Variants in SERPINE3 observed in about 807,000 individuals in gnomAD.
The protein encoded by SERPINE3 is serpin family E member 3, also known as serpin E3.
A neutral mutation model predicts 41.7 loss-of-function variants in SERPINE3; 43 were observed. The ratio of observed to expected loss-of-function variants is 1.03; its 90% CI spans 0.81 to 1.33. The LOEUF (loss-of-function observed/expected upper bound fraction) is 1.33. Ranked by LOEUF, SERPINE3 falls within the 40% of genes most tolerant of loss-of-function variation. The pLI is 0.00. For synonymous variants in SERPINE3, 200 were observed against 192.2 expected, an observed-to-expected ratio of 1.04 and a Z score of -0.34; for missense variants, 440 against 491.7, an observed-to-expected ratio of 0.89 and a Z score of 0.99.
intron 2 of SERPINE3, 99 bp from the exon 3 acceptor site, chr13:51,340,976 C>G: frequency 8.1e-7 from 1 of 1,241,088 alleles, no homozygotes; most frequent in Non-Finnish European, 1.1e-6. Context: ...GTCCCTAGCC[C>G]CTAAAAACAG....
At chr13:51,353,621 G>C (rs181338543) in intron 6 of SERPINE3, among the ~76,000 whole-genome samples, 2 of 152,116 alleles carry the variant, frequency 1.3e-5, no homozygotes, top group Non-Finnish European at 2.9e-5. Flanking sequence ...AGAAAATTTC[G>C]TAAGAGATAG....
chr13:51,348,495 G>A (rs1593639428), intron 6 of SERPINE3, 84 bp downstream of exon 6: 3 of 1,167,988 alleles, frequency 2.6e-6, no homozygotes, highest in Non-Finnish European at 3.7e-6. Flanking sequence ...TCTGCCTCCA[G>A]GGTCTGTGCT....
In SERPINE3 at chr13:51,364,514, A is replaced by G. The variant is rs1955648114; in HGVS notation, c.*232A>G. On this transcript the variant is annotated 3_prime_UTR_variant, in exon 10 of 10. Transcript: ENST00000681248. ...TTTTCTACTGCTTACCCCCCAAACC[A>G]CTAAAAGGCACAGCAGTGATCATGA... 2.4e-6 allele frequency: 1 copy of G among 421,754 alleles called. No individual in the cohort carries two copies. The highest frequency in any genetic ancestry group is 4.2e-6 in the Non-Finnish European group (1 of 237,556). The allele number at this position is 421,754 out of a possible 1,614,324, so 26.1% of individuals were successfully genotyped here.
intron 6 of SERPINE3, among the ~76,000 whole-genome samples, chr13:51,350,126 T>C (rs1955390310): frequency 6.6e-6 from 1 of 152,136 alleles, no homozygotes; most frequent in Non-Finnish European, 1.5e-5. Flanking sequence ...GCATTTTTCG[T>C]TTAACAAGAG....
chr13:51,359,573 A>T (rs1955529971), intron 7 of SERPINE3, among the ~76,000 whole-genome samples: 1 of 152,094 alleles, frequency 6.6e-6, no homozygotes, highest in African/African-American at 2.4e-5. Context: ...AACCAGACTC[A>T]TCCACATCAA....
At chr13:51,358,665 C>A (rs1458712343) in intron 7 of SERPINE3, among the ~76,000 whole-genome samples, 2 of 151,754 alleles carry the variant, frequency 1.3e-5, no homozygotes, top group African/African-American at 4.8e-5. Flanking sequence ...GTAAGTTGGG[C>A]AAAGAAATAT....
intron 5 of SERPINE3, 112 bp downstream of exon 5, chr13:51,347,346 G>T (rs1054000530): frequency 6.6e-6 from 6 of 910,292 alleles, no homozygotes; most frequent in Non-Finnish European, 1.0e-5. Flanking sequence ...TTTCCGCAGG[G>T]TCCATCTGCT....
Position 51,361,862 on chromosome 13 carries a change from A to C in SERPINE3, c.1140A>C (p.Pro380=). Residue 380 remains proline (P), a synonymous_variant, in exon 9 of 10, where the codon CCA becomes CCC. Transcript: ENST00000681248. The part of the protein sequence containing the change: ...SRIPIFKADR[P]FIYFLREPNT... ...TTCCTATTTTTAAAGCAGATCGGCC[A>C]TTCATCTATTTCCTGAGAGAACCTA... 6.2e-7 allele frequency: 1 copy of C among 1,611,814 alleles called. No individual in the cohort carries two copies. The highest frequency in any genetic ancestry group is 1.1e-5 in the South Asian group (1 of 90,912).
At chr13:51,344,171 C>T in intron 3 of SERPINE3, 81 bp from the exon 4 acceptor site, 1 of 991,566 alleles carries the variant, frequency 1.0e-6, no homozygotes, top group African/African-American at 1.6e-5. Context: ...CGTTCCATCT[C>T]AATGCAATGT....
chr13:51,343,016 C>T (rs1037288813), intron 3 of SERPINE3, among the ~76,000 whole-genome samples: 10 of 152,120 alleles, frequency 6.6e-5, no homozygotes, highest in South Asian at 2.1e-4. Context: ...TCTGCAGCCT[C>T]GTTTGGCTGG....
intron 8 of SERPINE3, 78 bp from the exon 9 acceptor site, chr13:51,361,732 T>C: frequency 2.3e-6 from 3 of 1,289,826 alleles, no homozygotes; most frequent in Non-Finnish European, 3.2e-6. Flanking sequence ...CTTAAAAAAT[T>C]AACTTACTTC....
rs1034902943 is a variant in SERPINE3, at chr13:51,356,635, G to A, written c.1000+1492G>A. On this transcript the variant is annotated intron_variant, in intron 7 of 9. Coordinates refer to ENST00000681248, the MANE Select transcript of SERPINE3 (RefSeq NM_001386375.1). ...ATGTCCTAAAAGTACATCCTAATGTGCCATCAACCCTCTGTCCTCAAACAG... is the reference window on the plus strand; with the variant it reads ...ATGTCCTAAAAGTACATCCTAATGTACCATCAACCCTCTGTCCTCAAACAG... Among the ~76,000 whole-genome samples the A allele has an allele frequency of 3.9e-5, 6 of 152,038 alleles. No individual in the cohort carries two copies. In the East Asian group the frequency reaches 7.7e-4, roughly 20 times the overall value.
At chr13:51,353,197 G>C (rs1442364592) in intron 6 of SERPINE3, among the ~76,000 whole-genome samples, 1 of 151,742 alleles carries the variant, frequency 6.6e-6, no homozygotes, top group Non-Finnish European at 1.5e-5. Context: ...CACTTTTACT[G>C]ATGTTTTTAG....
rs1382969745 is a variant in SERPINE3 at position 51,348,320 on chromosome 13, CT to C, written c.809del (p.Leu270ArgfsTer20). 1 of 1,613,764 alleles carries C rather than the reference CT, an allele frequency of 6.2e-7. No individual in the cohort carries two copies. Among genetic ancestry groups the C allele is most frequent in the African/African-American group, 1.3e-5 (1 of 74,906 alleles). On this transcript the variant is annotated frameshift_variant, in exon 6 of 10. Transcript: ENST00000681248. LOFTEE classifies it high-confidence loss of function. The stretch of plus-strand genomic sequence containing the variant: ...GCTGCCCCGTGACAAAGACACCCCC[CT>C]GAGCCACATCGAGCCACACCTCACA... ...LVLPRDKDTPLSHIEPHLTAS... is the reference protein window; with the variant it reads ...LVLPRDKDTPXSHIEPHLTAS...
In SERPINE3 at chr13:51,360,916, A is replaced by G. The variant is rs147129627; in HGVS notation, c.1001-362A>G. Among the ~76,000 whole-genome samples, 1,398 of 152,130 alleles carry G rather than the reference A, an allele frequency of 9.2e-3. 19 individuals carry two copies. Among genetic ancestry groups the G allele is most frequent in the African/African-American group, 0.032 (1,323 of 41,516 alleles). ...TTAACACATACCCTATGATCACTGA[A>G]GTTTAGGAAATACTGGCTGAAGGAG... On this transcript the variant is annotated intron_variant, in intron 7 of 9. Transcript: ENST00000681248.
rs956877231 is a variant in SERPINE3, at chr13:51,361,383, C to T, written c.1087+19C>T. 2 of 1,452,346 alleles carry T rather than the reference C, an allele frequency of 1.4e-6. No individual in the cohort carries two copies. The highest frequency in any genetic ancestry group is 1.9e-6 in the Non-Finnish European group (2 of 1,036,624). 90.0% of individuals were successfully genotyped at this position (1,452,346 alleles called of 1,614,324 possible). ...GCCACAGGTATGTTCAGAGAATACC[C>T]AGTCACACTGCTTACCCATATCTAC... On this transcript the variant is annotated intron_variant, in intron 8 of 9. Transcript: ENST00000681248.
intron 7 of SERPINE3, among the ~76,000 whole-genome samples, chr13:51,355,811 T>C (rs1955472404): frequency 6.6e-6 from 1 of 152,190 alleles, no homozygotes; most frequent in African/African-American, 2.4e-5. Flanking sequence ...CAAGACACCA[T>C]TGGCTAAACT....
At chr13:51,359,583 A>G (rs1222599759) in intron 7 of SERPINE3, among the ~76,000 whole-genome samples, 1 of 152,098 alleles carries the variant, frequency 6.6e-6, no homozygotes, top group Non-Finnish European at 1.5e-5. Context: ...ATCCACATCA[A>G]CTGGTCTCAT....
chr13:51,362,182 G>GA, intron 9 of SERPINE3: 1 of 681,900 alleles, frequency 1.5e-6, no homozygotes, highest in Non-Finnish European at 2.2e-6. Context: ...AAGACACTTG[G>GA]AAAAATCATG....
Sources: allele counts gnomAD v4.1 joint callset (sites outside exome capture counted in the v4.1 genomes callset), GRCh38; gene constraint gnomAD v4.1.1; transcripts MANE v1.5; gene names NCBI Gene and HGNC (gene_info 2026-07-23, HGNC 2026-07-21).